EYA3: variants seen among roughly 807,000 people sequenced by gnomAD.
EYA3 encodes protein phosphatase EYA3.
EYA3 carries 39 observed loss-of-function variants against 80.0 expected under a neutral mutation model. The observed-to-expected ratio is 0.49, with a 90% CI of 0.38 to 0.64. The LOEUF is 0.64. Ranked by LOEUF, EYA3 falls within the 30% of genes least tolerant of loss-of-function variation. EYA3 has a pLI of 0.00. For missense variants in EYA3, 523 were observed against 676.1 expected, an observed-to-expected ratio of 0.77 and a Z score of 2.51; for synonymous variants, 206 against 232.8, an observed-to-expected ratio of 0.88 and a Z score of 1.05.
At position 28,009,796 on chromosome 1, in the gene EYA3, A is replaced by T. The variant is rs1308980852; in HGVS notation, c.909+1151T>A. On this transcript the variant is annotated intron_variant, in intron 10 of 17. Coordinates refer to ENST00000373871, the MANE Select transcript of EYA3 (RefSeq NM_001990.4). The surrounding 1 kb of genome is among the most constrained non-coding windows in gnomAD (Gnocchi z 4.8). The stretch of plus-strand genomic sequence containing the variant: ...AGAATAGAGGTTACCAGAGGTTAGA[A>T]GAAGGGGAGAATGGGGAGTTACTGC... 6.6e-6 allele frequency among the ~76,000 whole-genome samples: 1 copy of T among 152,242 alleles called. No individual in the cohort carries two copies. The highest frequency in any genetic ancestry group is 1.5e-5 in the Non-Finnish European group (1 of 68,026).
chr1:28,014,932 A>G (rs569403522), intron 8 of EYA3, among the ~76,000 whole-genome samples: 11 of 152,318 alleles, frequency 7.2e-5, no homozygotes, highest in African/African-American at 2.4e-4. Flanking sequence ...TAATGATGGC[A>G]AGTAGGAAAA....
intron 1 of EYA3, among the ~76,000 whole-genome samples, chr1:28,086,555 T>C (rs1305958178): frequency 6.6e-6 from 1 of 152,238 alleles, no homozygotes; most frequent in Non-Finnish European, 1.5e-5. Flanking sequence ...ATATAATCTT[T>C]ATAACTAGAT....
chr1:27,989,391 T>C (rs77838385), intron 15 of EYA3, among the ~76,000 whole-genome samples: 5,042 of 152,306 alleles, frequency 0.033, 132 homozygotes, highest in Non-Finnish European at 0.049. Flanking sequence ...ATCTCCTCCA[T>C]GTATTCTTTG....
intron 7 of EYA3, among the ~76,000 whole-genome samples, chr1:28,017,891 T>C (rs957938191): frequency 3.3e-5 from 5 of 152,150 alleles, no homozygotes; most frequent in African/African-American, 1.2e-4. Flanking sequence ...TATATGATAC[T>C]TGGGCTGTCT....
chr1:28,077,104 CTTT>C (rs377204823), intron 1 of EYA3, among the ~76,000 whole-genome samples: 9 of 114,074 alleles, frequency 7.9e-5, no homozygotes, highest in African/African-American at 9.9e-5. Context: ...ACAAAACAAT[CTTT>C]TTTTTTTTTT....
chr1:28,050,811 AAGAC>A (rs1221856907), intron 2 of EYA3, among the ~76,000 whole-genome samples: 1 of 152,212 alleles, frequency 6.6e-6, no homozygotes, highest in Non-Finnish European at 1.5e-5. Context: ...TTAACTAAAG[AAGAC>A]AGACAGATTT....
chr1:28,028,044 G>T, intron 6 of EYA3, 118 bp from the exon 7 acceptor site: 3 of 1,167,528 alleles, frequency 2.6e-6, no homozygotes, highest in Non-Finnish European at 3.6e-6. Context: ...AAATAAATTT[G>T]CTTGTAAGAG....
chr1:28,055,094 A>G (rs891405062), intron 2 of EYA3, among the ~76,000 whole-genome samples: 5 of 152,206 alleles, frequency 3.3e-5, no homozygotes, highest in Non-Finnish European at 7.3e-5. Context: ...TGATAGCTTA[A>G]AAGATTTAGG....
At chr1:28,062,657 G>GGTGT (rs71027260) in intron 1 of EYA3, among the ~76,000 whole-genome samples, 14,744 of 141,516 alleles carry the variant, frequency 0.1, 759 homozygotes, top group Non-Finnish European at 0.12. Context: ...AATATATGTA[G>GGTGT]GTGTGTGTGT....
At chr1:28,045,228 G>A (rs1262883648) in intron 3 of EYA3, among the ~76,000 whole-genome samples, 1 of 152,114 alleles carries the variant, frequency 6.6e-6, no homozygotes, top group Non-Finnish European at 1.5e-5. Context: ...GAAATTGAAG[G>A]GTAAGGGCAA....
intron 3 of EYA3, among the ~76,000 whole-genome samples, chr1:28,044,128 G>GA (rs1274476949): frequency 6.6e-6 from 1 of 152,190 alleles, no homozygotes; most frequent in Non-Finnish European, 1.5e-5. Context: ...ATTCTGGAAT[G>GA]AAGATTGTTC....
intron 3 of EYA3, among the ~76,000 whole-genome samples, chr1:28,047,402 T>C (rs886398570): frequency 2.0e-5 from 3 of 152,124 alleles, no homozygotes; most frequent in African/African-American, 7.2e-5. Context: ...TGACAGATGA[T>C]TTAATTGATA....
At chr1:28,016,127 C>T (rs1642045852) in intron 8 of EYA3, among the ~76,000 whole-genome samples, 1 of 152,096 alleles carries the variant, frequency 6.6e-6, no homozygotes, top group African/African-American at 2.4e-5. Context: ...AGAGACTGTC[C>T]ACGTTCAAAG....
At chr1:27,983,135 C>T (rs970090450) in intron 16 of EYA3, among the ~76,000 whole-genome samples, 2 of 152,142 alleles carry the variant, frequency 1.3e-5, no homozygotes, top group Non-Finnish European at 1.5e-5. Flanking sequence ...TTAGGCTTTG[C>T]AGGCCCTATG....
At chr1:28,023,817 C>T (rs11581035) in intron 7 of EYA3, among the ~76,000 whole-genome samples, 39,621 of 152,000 alleles carry the variant, frequency 0.26, 5,227 homozygotes, top group Non-Finnish European at 0.28. Context: ...TACTGGTTCA[C>T]TAATTGTAAC....
At chr1:28,061,994 A>C (rs899073582) in intron 1 of EYA3, among the ~76,000 whole-genome samples, 14 of 152,200 alleles carry the variant, frequency 9.2e-5, no homozygotes, top group Non-Finnish European at 2.1e-4. Flanking sequence ...ATATCAAGTA[A>C]TACAACAGTT....
At chr1:28,042,252 G>A (rs1643826532) in intron 4 of EYA3, among the ~76,000 whole-genome samples, 1 of 152,050 alleles carries the variant, frequency 6.6e-6, no homozygotes, top group Non-Finnish European at 1.5e-5. Context: ...AATATACATG[G>A]GAAGTATATA....
chr1:28,011,142 G>A, intron 9 of EYA3, 56 bp from the exon 10 acceptor site: 1 of 1,569,164 alleles, frequency 6.4e-7, no homozygotes, highest in Non-Finnish European at 8.6e-7. Flanking sequence ...TAAGAATCAG[G>A]GCAGGAAGAG....
intron 12 of EYA3, among the ~76,000 whole-genome samples, chr1:27,997,993 G>A (rs558090938): frequency 6.6e-6 from 1 of 152,226 alleles, no homozygotes; most frequent in South Asian, 2.1e-4. Context: ...AAATAACCCA[G>A]GTTTTCTGCT....
Sources: gnomAD v4.1 joint callset for allele counts (sites outside exome capture counted in the v4.1 genomes callset) on GRCh38, gnomAD v4.1.1 for gene constraint, Gnocchi (gnomAD v3.1) non-coding constraint, MANE v1.5 for transcripts, NCBI Gene and HGNC (gene_info 2026-07-23, HGNC 2026-07-21) for gene names.